Variants in HGF observed in about 807,000 individuals in gnomAD.
The protein encoded by HGF is fibroblast-derived tumor cytotoxic factor.
Under a neutral mutation model 111.6 loss-of-function variants are expected in HGF, and 39 were observed. The observed-to-expected ratio is 0.35, with a 90% CI of 0.27 to 0.46. HGF has a LOEUF of 0.46. HGF is among the 20% of genes least tolerant of loss of function. HGF has a pLI of 1.00. For missense variants in HGF, 735 were observed against 910.5 expected, an observed-to-expected ratio of 0.81 and a Z score of 2.48; for synonymous variants, 285 against 294.8, an observed-to-expected ratio of 0.97 and a Z score of 0.34.
At chr7:81,735,034 G>C (rs1006453587) in intron 7 of HGF, among the ~76,000 whole-genome samples, 1 of 151,998 alleles carries the variant, frequency 6.6e-6, no homozygotes. Flanking sequence ...CTTTATGAAG[G>C]TCCCTCGGGA....
chr7:81,739,098 T>TG (rs1439665654), intron 7 of HGF, among the ~76,000 whole-genome samples: 1 of 152,140 alleles, frequency 6.6e-6, no homozygotes, highest in Non-Finnish European at 1.5e-5. Flanking sequence ...CTCAAATTAA[T>TG]GCCTCTCTTA....
intron 1 of HGF, among the ~76,000 whole-genome samples, chr7:81,764,975 T>C (rs1047542093): frequency 1.3e-5 from 2 of 151,988 alleles, no homozygotes; most frequent in African/African-American, 4.8e-5. Flanking sequence ...ATGAAAAAAA[T>C]CTATGAAACA....
At chr7:81,731,103 A>C (rs1583954459) in intron 7 of HGF, among the ~76,000 whole-genome samples, 3 of 152,280 alleles carry the variant, frequency 2.0e-5, no homozygotes, top group South Asian at 2.1e-4. Context: ...GCTTTATTTC[A>C]TTGCATTCTA....
chr7:81,746,375 G>C (rs1055628872), intron 5 of HGF, among the ~76,000 whole-genome samples: 1 of 152,122 alleles, frequency 6.6e-6, no homozygotes, highest in African/African-American at 2.4e-5. Flanking sequence ...TATCAATAAA[G>C]GTGCTCAGGT....
At chr7:81,744,311 T>G (rs1040955187) in intron 6 of HGF, among the ~76,000 whole-genome samples, 2 of 152,112 alleles carry the variant, frequency 1.3e-5, no homozygotes, top group African/African-American at 4.8e-5. Flanking sequence ...TGATTTTTTT[T>G]TTTTTTTTGG....
At chr7:81,713,987 T>TGC (rs1193335672) in intron 11 of HGF, among the ~76,000 whole-genome samples, 1 of 111,592 alleles carries the variant, frequency 9.0e-6, no homozygotes, top group African/African-American at 3.3e-5. Flanking sequence ...GGGGTGTGTG[T>TGC]GCGTGTGTGT....
intron 7 of HGF, among the ~76,000 whole-genome samples, chr7:81,740,893 T>C (rs888783630): frequency 2.6e-5 from 4 of 152,190 alleles, no homozygotes. Flanking sequence ...ATGGCTGGAC[T>C]CCTGACCTAC....
At chr7:81,751,024 T>A in intron 5 of HGF, 1 of 984,544 alleles carries the variant, frequency 1.0e-6, no homozygotes, top group Non-Finnish European at 1.2e-6. Context: ...CTGTAGCACA[T>A]AAAGTCAAGG....
At chr7:81,703,239 C>CTT (rs372126265) in intron 17 of HGF, among the ~76,000 whole-genome samples, 6 of 142,708 alleles carry the variant, frequency 4.2e-5, no homozygotes, top group South Asian at 2.2e-4. Context: ...ATTTCTAAAG[C>CTT]TTTTTTTTTT....
chr7:81,705,290 T>C, intron 17 of HGF, 100 bp downstream of exon 17: 1 of 1,106,510 alleles, frequency 9.0e-7, no homozygotes, highest in East Asian at 2.4e-5. Context: ...AATAGGTTGG[T>C]ATACAATATT....
intron 11 of HGF, among the ~76,000 whole-genome samples, chr7:81,713,787 C>T (rs565288152): frequency 1.3e-5 from 2 of 152,204 alleles, no homozygotes; most frequent in African/African-American, 4.8e-5. Flanking sequence ...TTCCATTTCA[C>T]TGCCAAATAC....
intron 13 of HGF, among the ~76,000 whole-genome samples, chr7:81,708,781 C>A (rs1354281049): frequency 6.6e-6 from 1 of 151,792 alleles, no homozygotes; most frequent in African/African-American, 2.4e-5. Context: ...ATTAAACACT[C>A]CAACAGAATT....
chr7:81,747,139 C>A (rs541536966), intron 5 of HGF, among the ~76,000 whole-genome samples: 1 of 152,158 alleles, frequency 6.6e-6, no homozygotes, highest in East Asian at 1.9e-4. Context: ...GAGATCGAGA[C>A]CATCCTGGCT....
rs1450124653 is a variant in HGF at position 81,729,824 on chromosome 7, T to A, written c.866-45A>T. On this transcript the variant is annotated intron_variant, in intron 7 of 17. Transcript: ENST00000222390. ...ACAAAAAAAAACTTATATAAAATCT[T>A]TGAAGATGTCATTTGCCTCTTAGAG... The A allele has an allele frequency of 5.7e-6, 9 of 1,584,884 alleles. No individual in the cohort carries two copies. The South Asian group carries it at 6.7e-5, about 12-fold the overall frequency.
chr7:81,727,250 A>G (rs1052214033), intron 8 of HGF, among the ~76,000 whole-genome samples: 6 of 150,862 alleles, frequency 4.0e-5, no homozygotes, highest in Non-Finnish European at 7.4e-5. Flanking sequence ...TCACCGTGTT[A>G]GCCAGGATGG....
chr7:81,739,613 A>C (rs1356539539), intron 7 of HGF, among the ~76,000 whole-genome samples: 1 of 152,126 alleles, frequency 6.6e-6, no homozygotes, highest in African/African-American at 2.4e-5. Flanking sequence ...AAAGTAGGAA[A>C]GAGCGGCAGT....
At chr7:81,710,926 A>G (rs1193333068) in intron 12 of HGF, among the ~76,000 whole-genome samples, 4 of 152,186 alleles carry the variant, frequency 2.6e-5, no homozygotes, top group Non-Finnish European at 5.9e-5. Flanking sequence ...TTCTAAATCA[A>G]AAACACTTGA....
chr7:81,748,847 T>C (rs921126923), intron 5 of HGF, among the ~76,000 whole-genome samples: 11 of 152,222 alleles, frequency 7.2e-5, no homozygotes, highest in East Asian at 1.9e-4. Flanking sequence ...AGGATTAATT[T>C]AACAGCTTTC....
chr7:81,744,083 C>A (rs1386034989), intron 6 of HGF, among the ~76,000 whole-genome samples: 1 of 152,012 alleles, frequency 6.6e-6, no homozygotes, highest in Non-Finnish European at 1.5e-5. Flanking sequence ...GGAAAATAAG[C>A]TGGAGTTTTA....
Sources: allele counts gnomAD v4.1 joint callset (sites outside exome capture counted in the v4.1 genomes callset), GRCh38; gene constraint gnomAD v4.1.1; transcripts MANE v1.5; gene names NCBI Gene and HGNC (gene_info 2026-07-23, HGNC 2026-07-21).